RYR2: variants seen among roughly 807,000 people sequenced by gnomAD.
RYR2 encodes the protein cardiac muscle ryanodine receptor-calcium release channel.
Under a neutral mutation model 601.1 loss-of-function variants are expected in RYR2, and 227 were observed. That is an observed-to-expected ratio of 0.38 (90% CI 0.34 to 0.42). The LOEUF (loss-of-function observed/expected upper bound fraction) is 0.42, where lower values mean the gene tolerates loss of function less well. Ranked by LOEUF, RYR2 falls within the 10% of genes least tolerant of loss-of-function variation. The pLI, the probability that RYR2 is intolerant of heterozygous loss-of-function variation, is 1.00. For missense variants in RYR2, 4,646 were observed against 6,156.5 expected (o/e 0.75, Z 8.21); for synonymous variants, 2,223 against 2,175.1 (o/e 1.02, Z -0.61).
intron 58 of RYR2, among the ~76,000 whole-genome samples, chr1:237,670,429 A>G (rs924044896): frequency 6.6e-6 from 1 of 152,064 alleles, no homozygotes; most frequent in Non-Finnish European, 1.5e-5. Context: ...GTATTCTAAA[A>G]CCACCCCATA....
intron 66 of RYR2, among the ~76,000 whole-genome samples, chr1:237,702,853 T>C (rs1431429666): frequency 6.6e-6 from 1 of 152,040 alleles, no homozygotes; most frequent in Non-Finnish European, 1.5e-5. Context: ...GTAGTTAAAA[T>C]AGGATGACAG....
At position 237,500,835 on chromosome 1, in the gene RYR2, A is replaced by C; in HGVS notation, c.2328A>C (p.Gln776His). The change falls in exon 21 of 105, where the codon CAA becomes CAC. Residue 776 changes from glutamine to histidine, a missense_variant. This residue lies in a region of RYR2 where 1,807 missense variants were observed against 2,088.1 expected (regional missense o/e 0.87). Coordinates refer to ENST00000366574, the MANE Select transcript of RYR2 (RefSeq NM_001035.3). ...ISFRINGQPV[Q>H]GMFENFNIDG... ...TCCGAATTAATGGACAACCTGTTCAAGGAATGTTTGAGAATTTCAACATCG... is the reference window on the plus strand; with the variant it reads ...TCCGAATTAATGGACAACCTGTTCACGGAATGTTTGAGAATTTCAACATCG... The C allele has an allele frequency of 6.2e-7, 1 of 1,614,054 alleles. No homozygotes were observed.
chr1:237,258,305 G>A (rs1179739898), intron 1 of RYR2, among the ~76,000 whole-genome samples: 2 of 152,064 alleles, frequency 1.3e-5, no homozygotes, highest in Admixed American at 1.3e-4. Flanking sequence ...AGATGGAGGA[G>A]GAAGTAGATC....
chr1:237,650,155 T>C, intron 50 of RYR2, 58 bp downstream of exon 50: 7 of 1,463,574 alleles, frequency 4.8e-6, no homozygotes, highest in Non-Finnish European at 6.6e-6. Context: ...ATTTACAATG[T>C]GGCCTTTGAC....
intron 1 of RYR2, among the ~76,000 whole-genome samples, chr1:237,142,106 G>T (rs926785023): frequency 6.6e-6 from 1 of 152,196 alleles, no homozygotes; most frequent in Non-Finnish European, 1.5e-5. Context: ...TGCCCTGACT[G>T]CCTCCTTGGG....
intron 17 of RYR2, among the ~76,000 whole-genome samples, chr1:237,487,954 A>G (rs1466558270): frequency 6.6e-6 from 1 of 152,082 alleles, no homozygotes; most frequent in African/African-American, 2.4e-5. Flanking sequence ...TTTAATGTTA[A>G]ACCCCAAATT....
At chr1:237,201,459 A>G (rs910244282) in intron 1 of RYR2, among the ~76,000 whole-genome samples, 2 of 152,118 alleles carry the variant, frequency 1.3e-5, no homozygotes, top group Non-Finnish European at 2.9e-5. Context: ...GTGAAATCTC[A>G]TTTGTGTTTT....
At chr1:237,666,019 A>G (rs1684298173) in intron 56 of RYR2, among the ~76,000 whole-genome samples, 1 of 152,232 alleles carries the variant, frequency 6.6e-6, no homozygotes, top group Admixed American at 6.5e-5. Flanking sequence ...CAGAAATTAA[A>G]GAAGTCTCTT....
chr1:237,103,343 C>T (rs1668327205), intron 1 of RYR2, among the ~76,000 whole-genome samples: 1 of 152,232 alleles, frequency 6.6e-6, no homozygotes, highest in South Asian at 2.1e-4. Context: ...CTGCTTTCTC[C>T]ATATCCTGCT....
rs1268812520 is a variant in RYR2 at position 237,590,539 on chromosome 1, G to C, written c.3808-101G>C. The C allele has an allele frequency of 1.0e-5, 9 of 868,634 alleles. No homozygotes were observed. The Admixed American group carries it at 1.9e-4, about 19-fold the overall frequency. The allele number at this position is 868,634 out of a possible 1,614,324, so 53.8% of individuals were successfully genotyped here. On this transcript the variant is annotated intron_variant, in intron 30 of 104. Transcript: ENST00000366574. ...TACAAAATGATGCCATGTGTGGACC[G>C]CATTTGGGATTCTGAAAACGTGATG...
intron 22 of RYR2, among the ~76,000 whole-genome samples, chr1:237,505,275 T>C (rs554154689): frequency 6.6e-6 from 1 of 152,358 alleles, no homozygotes; most frequent in African/African-American, 2.4e-5. Context: ...AATGGTGTTC[T>C]GAGGTTGGCT....
At chr1:237,190,973 C>T (rs532286246) in intron 1 of RYR2, among the ~76,000 whole-genome samples, 1 of 152,308 alleles carries the variant, frequency 6.6e-6, no homozygotes, top group South Asian at 2.1e-4. Flanking sequence ...GGTGTCGTAT[C>T]CAAGAAATCA....
chr1:237,242,636 T>C (rs1469292638), intron 1 of RYR2, among the ~76,000 whole-genome samples: 1 of 152,190 alleles, frequency 6.6e-6, no homozygotes, highest in East Asian at 1.9e-4. Flanking sequence ...CACGTTACTA[T>C]GCACTAAGGG....
chr1:237,144,859 T>A (rs1673814803), intron 1 of RYR2, among the ~76,000 whole-genome samples: 1 of 152,170 alleles, frequency 6.6e-6, no homozygotes, highest in Admixed American at 6.5e-5. Context: ...GAAACATGCA[T>A]CCAACTCGAG....
chr1:237,224,618 G>A (rs1209427585), intron 1 of RYR2, among the ~76,000 whole-genome samples: 1 of 152,128 alleles, frequency 6.6e-6, no homozygotes, highest in Non-Finnish European at 1.5e-5. Context: ...AGTACTGTGG[G>A]AGGCCGAGGC....
intron 77 of RYR2, 86 bp from the exon 78 acceptor site, chr1:237,731,960 C>T: frequency 1.3e-6 from 1 of 767,790 alleles, no homozygotes; most frequent in Non-Finnish European, 2.2e-6. Context: ...TCCTTTTATT[C>T]TTCATTGCTG....
chr1:237,229,705 C>T (rs1684764591), intron 1 of RYR2, among the ~76,000 whole-genome samples: 1 of 152,192 alleles, frequency 6.6e-6, no homozygotes, highest in African/African-American at 2.4e-5. Context: ...TAGCATACTT[C>T]TCAGGATTCA....
chr1:237,262,905 T>A (rs918425973), intron 1 of RYR2, among the ~76,000 whole-genome samples: 16 of 151,036 alleles, frequency 1.1e-4, no homozygotes, highest in African/African-American at 3.9e-4. Flanking sequence ...TGTGAGAGAT[T>A]TTTTTTTTAA....
intron 3 of RYR2, among the ~76,000 whole-genome samples, chr1:237,344,065 C>T (rs567008136): frequency 1.2e-4 from 19 of 152,146 alleles, no homozygotes; most frequent in Middle Eastern, 3.2e-3. Context: ...TCAGGTAATC[C>T]GCCGGCCTTG....
Sources: allele counts gnomAD v4.1 joint callset (sites outside exome capture counted in the v4.1 genomes callset), GRCh38; gene constraint gnomAD v4.1.1; regional missense constraint gnomAD v4.1.1; transcripts MANE v1.5; gene names NCBI Gene and HGNC (gene_info 2026-07-23, HGNC 2026-07-21).